Variants in TOB2 observed in about 807,000 individuals in gnomAD.
TOB2 encodes the protein transducer of ERBB2, 2.
In TOB2, 3 loss-of-function variants were observed where a neutral mutation model predicts 17.3. That is an observed-to-expected ratio of 0.17 (90% CI 0.08 to 0.45). The LOEUF (loss-of-function observed/expected upper bound fraction) is 0.45. Ranked by LOEUF, TOB2 falls within the 20% of genes least tolerant of loss-of-function variation. TOB2 has a pLI of 0.99. For synonymous variants in TOB2, 163 were observed against 185.6 expected (o/e 0.88, Z 0.99); for missense variants, 407 against 445.7 (o/e 0.91, Z 0.78).
At position 41,436,937 on chromosome 22, in the gene TOB2, C is replaced by T. The variant is rs747039186; in HGVS notation, c.409G>A (p.Ala137Thr). 5.6e-6 allele frequency: 9 copies of T among 1,614,046 alleles called. No individual in the cohort carries two copies. The highest frequency in any genetic ancestry group is 1.1e-5 in the South Asian group (1 of 91,090). Reference sequence around the variant, plus strand: ...CTGCCAATGGGCACGAACACCTGGGCGTCAGGGTTGAAGCTGCTCTTGATC... The same window carrying T: ...CTGCCAATGGGCACGAACACCTGGGTGTCAGGGTTGAAGCTGCTCTTGATC... ...KEIKSSFNPD[A>T]QVFVPIGSQD... The change falls in exon 2 of 2, where the codon GCC (alanine) becomes ACC (threonine). Residue 137 changes from alanine (A) to threonine (T), a missense_variant. Transcript: ENST00000327492. The surrounding 1 kb of genome is among the most constrained non-coding windows in gnomAD (Gnocchi z 4.8).
At chr22:41,443,367 T>C (rs2037640899) in intron 1 of TOB2, among the ~76,000 whole-genome samples, 1 of 152,220 alleles carries the variant, frequency 6.6e-6, no homozygotes, top group Non-Finnish European at 1.5e-5. Context: ...AGCCCAGAGC[T>C]GGAGTGCAAT....
chr22:41,439,677 G>C (rs1015174768), intron 1 of TOB2, among the ~76,000 whole-genome samples: 1 of 152,038 alleles, frequency 6.6e-6, no homozygotes, highest in Non-Finnish European at 1.5e-5. Flanking sequence ...CACCACGCCT[G>C]GCTAGTTTTT....
intron 1 of TOB2, among the ~76,000 whole-genome samples, chr22:41,439,479 T>TTATG (rs1186095076): frequency 7.1e-6 from 1 of 139,996 alleles, no homozygotes; most frequent in Admixed American, 7.1e-5. Flanking sequence ...TAATTTAATT[T>TTATG]TACGTATGTA....
chr22:41,440,409 GC>G, intron 1 of TOB2, among the ~76,000 whole-genome samples: 1 of 151,086 alleles, frequency 6.6e-6, no homozygotes, highest in Non-Finnish European at 1.5e-5. Context: ...GAGCCACCGC[GC>G]CTGGCCTCTT....
intron 1 of TOB2, among the ~76,000 whole-genome samples, chr22:41,441,715 C>G (rs993275901): frequency 6.6e-6 from 1 of 152,064 alleles, no homozygotes; most frequent in Non-Finnish European, 1.5e-5. Flanking sequence ...AGTCCGAGAC[C>G]AGCCTGACCA....
intron 1 of TOB2, among the ~76,000 whole-genome samples, chr22:41,442,300 A>C (rs979822081): frequency 6.6e-6 from 1 of 152,136 alleles, no homozygotes; most frequent in African/African-American, 2.4e-5. Flanking sequence ...GGGTTTCTAC[A>C]CCTTTCTAAG....
At chr22:41,440,187 G>A (rs922544265) in intron 1 of TOB2, among the ~76,000 whole-genome samples, 4 of 151,014 alleles carry the variant, frequency 2.6e-5, no homozygotes, top group African/African-American at 7.3e-5. Flanking sequence ...GCACGGTCTC[G>A]GCTCACTGCA....
Position 41,435,909 on chromosome 22 carries a change from A to G in TOB2, c.*402T>C, listed in dbSNP as rs1167973655. On this transcript the variant is annotated 3_prime_UTR_variant, in exon 2 of 2. Coordinates refer to ENST00000327492, the MANE Select transcript of TOB2 (RefSeq NM_016272.4). Reference sequence around the variant, plus strand: ...CTCCAGCTGCAGCTCTTTCTTCCCTATGAGCTTGGACACATCAATCCTAAA... The same window carrying G: ...CTCCAGCTGCAGCTCTTTCTTCCCTGTGAGCTTGGACACATCAATCCTAAA... The G allele has an allele frequency of 2.6e-5, 4 of 155,142 alleles. No homozygotes were observed. Among genetic ancestry groups the G allele is most frequent in the African/African-American group, 4.8e-5 (2 of 41,524 alleles). The allele number at this position is 155,142 out of a possible 1,614,324, so 9.6% of individuals were successfully genotyped here.
In TOB2 at chr22:41,436,416, G is replaced by A. The variant is rs1381711131; in HGVS notation, c.930C>T (p.Asn310=). 1 of 1,614,210 alleles carries A rather than the reference G, an allele frequency of 6.2e-7. No individual in the cohort carries two copies. The highest frequency in any genetic ancestry group is 8.5e-7 in the Non-Finnish European group (1 of 1,180,026). The change falls in exon 2 of 2, where the codon AAC becomes AAT. Residue 310 remains asparagine (N), a synonymous_variant. Transcript: ENST00000327492. This position sits in a 1 kb window ranked among gnomAD's most constrained non-coding sequence, Gnocchi z 4.8. ...AGGGTGTCTTCTCCAGGAAGAGGCT[G>A]TTGGCACCACCTCCAAATACCTGGG... ...DMAQVFGGGA[N]SLFLEKTPFV... is the part of the protein sequence containing the mutation.
At chr22:41,443,953 T>C (rs930422113) in intron 1 of TOB2, among the ~76,000 whole-genome samples, 1 of 152,104 alleles carries the variant, frequency 6.6e-6, no homozygotes, top group Admixed American at 6.6e-5. Flanking sequence ...GAAAATTCTG[T>C]TTCAAAGAGG....
At chr22:41,444,864 G>A (rs13058273) in intron 1 of TOB2, among the ~76,000 whole-genome samples, 1 of 152,202 alleles carries the variant, frequency 6.6e-6, no homozygotes, top group Admixed American at 6.5e-5. Context: ...GGCTGGCTTA[G>A]ATAAGGTCAC....
At position 41,437,422 on chromosome 22, in the gene TOB2, G is replaced by C; in HGVS notation, c.-62-15C>G. On this transcript the variant is annotated splice_polypyrimidine_tract_variant and intron_variant, in intron 1 of 1. Transcript: ENST00000327492. ...TCCAGGCGGCTCTGGGAAATGAGAG[G>C]CACCGTGAGAAAATATGCAGAAAGC... 6.6e-7 allele frequency: 1 copy of C among 1,521,376 alleles called. No individual in the cohort carries two copies. Among genetic ancestry groups the C allele is most frequent in the East Asian group, 2.3e-5 (1 of 44,148 alleles). 94.2% of individuals were successfully genotyped at this position (1,521,376 alleles called of 1,614,324 possible). A position where few individuals can be genotyped will look rare whatever the true frequency, so the allele number is the denominator to read the frequency against.
At chr22:41,438,658 A>AAAAAAAAAAAAG (rs1184487375) in intron 1 of TOB2, among the ~76,000 whole-genome samples, 1 of 147,070 alleles carries the variant, frequency 6.8e-6, no homozygotes, top group Non-Finnish European at 1.5e-5. Context: ...AAAAAAAAAA[A>AAAAAAAAAAAAG]AAAGGAATAA....
chr22:41,433,834 C>T lies in TOB2; in HGVS notation c.*2477G>A. The stretch of plus-strand genomic sequence containing the variant: ...AGTTTCCATTCTTCAGAAGATAATC[C>T]ACCTTTTGATTTGTTCCTGGGAAAG... On this transcript the variant is annotated 3_prime_UTR_variant, in exon 2 of 2. Transcript: ENST00000327492. The T allele has an allele frequency of 2.1e-6, 1 of 465,226 alleles. No individual in the cohort carries two copies. The highest frequency in any genetic ancestry group is 4.5e-6 in the Non-Finnish European group (1 of 222,830). The allele number at this position is 465,226 out of a possible 1,614,324, so 28.8% of individuals were successfully genotyped here. A position where few individuals can be genotyped will look rare whatever the true frequency, so the allele number is the denominator to read the frequency against.
rs1399927022 is a variant in TOB2 at position 41,436,675 on chromosome 22, G to A, written c.671C>T (p.Thr224Ile). 5 of 1,613,918 alleles carry A rather than the reference G, an allele frequency of 3.1e-6. No homozygotes were observed. The highest frequency in any genetic ancestry group is 1.3e-5 in the African/African-American group (1 of 74,934). ...PQQPRMARSP[T>I]NSLLKHKSLS... Reference sequence around the variant, plus strand: ...GCTCTTGTGCTTCAGCAGGCTGTTGGTGGGTGAGCGGGCCATGCGAGGCTG... The same window carrying A: ...GCTCTTGTGCTTCAGCAGGCTGTTGATGGGTGAGCGGGCCATGCGAGGCTG... The change falls in exon 2 of 2, where the codon ACC (threonine) becomes ATC (isoleucine). Residue 224 changes from threonine (T) to isoleucine (I), a missense_variant. Physicochemically the swap from Thr to Ile is moderately conservative, Grantham distance 89. Coordinates refer to ENST00000327492, the MANE Select transcript of TOB2 (RefSeq NM_016272.4). The surrounding 1 kb of genome is among the most constrained non-coding windows in gnomAD (Gnocchi z 4.8).
Position 41,437,396 on chromosome 22 carries a change from C to T in TOB2, c.-51G>A. The stretch of plus-strand genomic sequence containing the variant: ...CACAGGGCACGTGTACAGCCTTGGG[C>T]TCCAGGCGGCTCTGGGAAATGAGAG... On this transcript the variant is annotated 5_prime_UTR_variant, in exon 2 of 2. Coordinates refer to ENST00000327492, the MANE Select transcript of TOB2 (RefSeq NM_016272.4). The T allele has an allele frequency of 6.5e-7, 1 of 1,538,888 alleles. No homozygotes were observed. Among genetic ancestry groups the T allele is most frequent in the Non-Finnish European group, 8.7e-7 (1 of 1,146,740 alleles).
chr22:41,442,090 G>A (rs1479628863), intron 1 of TOB2, among the ~76,000 whole-genome samples: 5 of 121,336 alleles, frequency 4.1e-5, no homozygotes, highest in African/African-American at 1.2e-4. Context: ...GAGAAATTCT[G>A]CCTCAAAAAA....
chr22:41,439,039 G>A (rs189114302), intron 1 of TOB2, among the ~76,000 whole-genome samples: 9 of 152,304 alleles, frequency 5.9e-5, no homozygotes, highest in Non-Finnish European at 1.0e-4. Flanking sequence ...GGTCAAAAAG[G>A]TTTATTCCCT....
intron 1 of TOB2, among the ~76,000 whole-genome samples, chr22:41,439,314 G>A (rs887808053): frequency 6.6e-6 from 1 of 152,128 alleles, no homozygotes; most frequent in African/African-American, 2.4e-5. Flanking sequence ...AAAGACTTGG[G>A]GCTGGATTTT....
Sources: gnomAD v4.1 joint callset for allele counts (sites outside exome capture counted in the v4.1 genomes callset) on GRCh38, gnomAD v4.1.1 for gene constraint, Gnocchi (gnomAD v3.1) non-coding constraint, MANE v1.5 for transcripts, NCBI Gene and HGNC (gene_info 2026-07-23, HGNC 2026-07-21) for gene names.